The following EIF4ENIF1 variants were observed in gnomAD, a reference collection of about 807,000 sequenced individuals.
EIF4ENIF1 encodes the protein eukaryotic translation initiation factor 4E transporter.
EIF4ENIF1 carries 23 observed loss-of-function variants against 110.5 expected under a neutral mutation model. That is an observed-to-expected ratio of 0.21 (90% CI 0.15 to 0.29). EIF4ENIF1 has a LOEUF of 0.29. Among genes scored for constraint, EIF4ENIF1 ranks in the 10% least tolerant of loss-of-function variants. The pLI is 1.00. For missense variants in EIF4ENIF1, 1,031 were observed against 1,221.1 expected, an observed-to-expected ratio of 0.84 and a Z score of 2.32; for synonymous variants, 440 against 437.0, an observed-to-expected ratio of 1.01 and a Z score of -0.09.
At chr22:31,470,699 T>C (rs2051345591) in intron 3 of EIF4ENIF1, among the ~76,000 whole-genome samples, 1 of 150,552 alleles carries the variant, frequency 6.6e-6, no homozygotes, top group Admixed American at 6.6e-5. Flanking sequence ...TTTTTTTTTT[T>C]TTTTTGAGAT....
Position 31,452,077 on chromosome 22 carries a change from G to A in EIF4ENIF1, c.1513-1717C>T, listed in dbSNP as rs180734290. Among the ~76,000 whole-genome samples the A allele has an allele frequency of 2.6e-5, 4 of 152,278 alleles. No homozygotes were observed. In the East Asian group the frequency reaches 5.8e-4, roughly 22 times the overall value. ...AAAAACAAATAGACAACTTTATACT[G>A]CATGGCTTATTATACTTGGAGGATA... is the stretch of plus-strand genomic sequence containing the variant. On this transcript the variant is annotated intron_variant, in intron 10 of 18. Coordinates refer to ENST00000330125, the MANE Select transcript of EIF4ENIF1 (RefSeq NM_019843.4).
At chr22:31,445,103 A>C (rs2050420995) in intron 14 of EIF4ENIF1, among the ~76,000 whole-genome samples, 1 of 152,180 alleles carries the variant, frequency 6.6e-6, no homozygotes, top group Non-Finnish European at 1.5e-5. Flanking sequence ...GGTAGACAGA[A>C]TAGGTACAGG....
At chr22:31,457,704 T>A (rs1344203221) in intron 7 of EIF4ENIF1, among the ~76,000 whole-genome samples, 1 of 152,194 alleles carries the variant, frequency 6.6e-6, no homozygotes, top group Non-Finnish European at 1.5e-5. Flanking sequence ...TTTGAAGGGA[T>A]TTTAATTCAA....
downstream of EIF4ENIF1, among the ~76,000 whole-genome samples, chr22:31,438,747 G>GGAGT (rs1354545941): frequency 6.6e-6 from 1 of 150,938 alleles, no homozygotes; most frequent in Non-Finnish European, 1.5e-5. Context: ...TTTTTAAGAT[G>GGAGT]GAGTCTCACT....
chr22:31,440,640 G>T, intron 18 of EIF4ENIF1, 64 bp downstream of exon 18: 1 of 1,540,542 alleles, frequency 6.5e-7, no homozygotes, highest in Non-Finnish European at 8.8e-7. Context: ...CTGGAAACTA[G>T]TCCTCAAAGC....
intron 2 of EIF4ENIF1, chr22:31,479,372 CTTTT>C (rs771537213): frequency 6.9e-6 from 1 of 145,708 alleles, no homozygotes; most frequent in African/African-American, 2.5e-5. Context: ...AGAGAAGAGT[CTTTT>C]TTTTTTTTAA....
chr22:31,449,996 G>T (rs760739171), intron 11 of EIF4ENIF1, among the ~76,000 whole-genome samples: 1 of 152,144 alleles, frequency 6.6e-6, no homozygotes, highest in African/African-American at 2.4e-5. Flanking sequence ...CTCCCAAAGT[G>T]CTGAGATTAC....
intron 2 of EIF4ENIF1, among the ~76,000 whole-genome samples, chr22:31,482,145 A>C (rs1035869930): frequency 6.7e-6 from 1 of 150,090 alleles, no homozygotes; most frequent in African/African-American, 2.4e-5. Context: ...TCCAGCCTGG[A>C]TAACAGTGAG....
chr22:31,463,547 T>C, intron 5 of EIF4ENIF1, 134 bp downstream of exon 5: 3 of 852,698 alleles, frequency 3.5e-6, no homozygotes, highest in Non-Finnish European at 5.2e-6. Flanking sequence ...CCGGGTATGG[T>C]GGTGCGTGCC....
chr22:31,486,249 G>T (rs1450412933), intron 2 of EIF4ENIF1, among the ~76,000 whole-genome samples: 1 of 150,152 alleles, frequency 6.7e-6, no homozygotes, highest in Non-Finnish European at 1.5e-5. Flanking sequence ...CAGCCTCGGC[G>T]ACAAGAGCGA....
At chr22:31,467,862 G>C (rs1342277712) in intron 4 of EIF4ENIF1, among the ~76,000 whole-genome samples, 1 of 151,914 alleles carries the variant, frequency 6.6e-6, no homozygotes, top group Non-Finnish European at 1.5e-5. Context: ...TCTCACATAT[G>C]AAAGAAAGCA....
chr22:31,441,649 G>A, intron 17 of EIF4ENIF1, 125 bp downstream of exon 17: 1 of 816,984 alleles, frequency 1.2e-6, no homozygotes, highest in Non-Finnish European at 1.9e-6. Flanking sequence ...CTGCCAGTTA[G>A]ATGGGAGAAT....
intron 2 of EIF4ENIF1, among the ~76,000 whole-genome samples, chr22:31,484,477 G>GT (rs1414170859): frequency 2.0e-5 from 3 of 151,146 alleles, no homozygotes; most frequent in Admixed American, 6.6e-5. Context: ...TGGCCAACGT[G>GT]TTTTTTTGAC....
intron 1 of EIF4ENIF1, chr22:31,489,070 T>C (rs574294131): frequency 2.7e-4 from 56 of 209,796 alleles, no homozygotes; most frequent in African/African-American, 1.3e-3. Flanking sequence ...GGTGGGGAAG[T>C]TTCCCGGAGT....
At chr22:31,444,455 A>G (rs1014526167) in intron 15 of EIF4ENIF1, 151 bp downstream of exon 15, 1 of 724,300 alleles carries the variant, frequency 1.4e-6, no homozygotes, top group African/African-American at 1.8e-5. Context: ...CCTAAAAGGG[A>G]AAGACCTAAT....
At position 31,454,344 on chromosome 22, in the gene EIF4ENIF1, C is replaced by A. The variant is rs1266601046; in HGVS notation, c.1312G>T (p.Val438Leu). Reference sequence around the variant, plus strand: ...TTCAAGCCCTTCAGACCTGCTTCTACCTCCTCCACTGAAAGCACAACCCCT... The same window carrying A: ...TTCAAGCCCTTCAGACCTGCTTCTAACTCCTCCACTGAAAGCACAACCCCT... Reference protein sequence around the residue: ...HSGVVLSVEEVEAGLKGLKVD... With the variant: ...HSGVVLSVEELEAGLKGLKVD... Residue 438 changes from valine to leucine, a missense_variant, in exon 10 of 19, where the codon GTA becomes TTA. Physicochemically the swap from Val to Leu is conservative, Grantham distance 32. Coordinates refer to ENST00000330125, the MANE Select transcript of EIF4ENIF1 (RefSeq NM_019843.4). 1 of 1,614,026 alleles carries A rather than the reference C, an allele frequency of 6.2e-7. No individual in the cohort carries two copies. The highest frequency in any genetic ancestry group is 2.2e-5 in the East Asian group (1 of 44,892).
chr22:31,477,337 C>A (rs1601637840), intron 2 of EIF4ENIF1, among the ~76,000 whole-genome samples: 2 of 81,072 alleles, frequency 2.5e-5, no homozygotes, highest in African/African-American at 4.5e-5. Flanking sequence ...GCCTCGGCAA[C>A]AGAACAAGAC....
chr22:31,487,557 G>A (rs1235110102), intron 2 of EIF4ENIF1, among the ~76,000 whole-genome samples: 1 of 152,108 alleles, frequency 6.6e-6, no homozygotes, highest in Non-Finnish European at 1.5e-5. Context: ...AACACTTTGG[G>A]AGGCCAAGGT....
chr22:31,488,355 T>C (rs770160045), intron 2 of EIF4ENIF1, among the ~76,000 whole-genome samples: 8 of 152,154 alleles, frequency 5.3e-5, no homozygotes, highest in Non-Finnish European at 1.2e-4. Flanking sequence ...TTACAGAACT[T>C]ACAAAGTATA....
Sources: allele counts gnomAD v4.1 joint callset (sites outside exome capture counted in the v4.1 genomes callset), GRCh38; gene constraint gnomAD v4.1.1; transcripts MANE v1.5; gene names NCBI Gene and HGNC (gene_info 2026-07-23, HGNC 2026-07-21).